DEPDC5: variants seen among roughly 807,000 people sequenced by gnomAD.
The protein encoded by DEPDC5 is GATOR1 complex protein DEPDC5.
In DEPDC5, 73 loss-of-function variants were observed where a neutral mutation model predicts 217.3. That is an observed-to-expected ratio of 0.34 (90% CI 0.28 to 0.41). DEPDC5 has a LOEUF of 0.41. Among genes scored for constraint, DEPDC5 ranks in the 10% least tolerant of loss-of-function variants. DEPDC5 has a pLI of 1.00. For synonymous variants in DEPDC5, 733 were observed against 756.7 expected, an observed-to-expected ratio of 0.97 and a Z score of 0.51; for missense variants, 1,675 against 2,070.1, an observed-to-expected ratio of 0.81 and a Z score of 3.70.
intron 40 of DEPDC5, among the ~76,000 whole-genome samples, chr22:31,900,386 A>G (rs1467112716): frequency 6.6e-6 from 1 of 151,782 alleles, no homozygotes; most frequent in African/African-American, 2.4e-5. Flanking sequence ...CAATTTTCCT[A>G]CCTCTAGAAT....
At chr22:31,770,613 C>T (rs1010030042) in intron 7 of DEPDC5, among the ~76,000 whole-genome samples, 19 of 146,724 alleles carry the variant, frequency 1.3e-4, no homozygotes, top group Admixed American at 6.2e-4. Flanking sequence ...AGGCTGGTCT[C>T]GAACTCCTGA....
At chr22:31,904,061 C>T (rs2093712819) in intron 41 of DEPDC5, among the ~76,000 whole-genome samples, 1 of 152,104 alleles carries the variant, frequency 6.6e-6, no homozygotes, top group African/African-American at 2.4e-5. Context: ...TCTTCCTCAG[C>T]CCCTAGGCTG....
At position 31,893,763 on chromosome 22, in the gene DEPDC5, C is replaced by T. The variant is rs1289929555; in HGVS notation, c.4203+12C>T. The T allele has an allele frequency of 3.2e-6, 5 of 1,587,122 alleles. No homozygotes were observed. Among genetic ancestry groups the T allele is most frequent in the East Asian group, 2.3e-5 (1 of 43,658 alleles). ...TACTCTTCGAGATGGTGAGAACCTT[C>T]ATGCATGTTGTCAGGCCTTTGGCTC... On this transcript the variant is annotated intron_variant, in intron 39 of 42. Transcript: ENST00000651528.
intron 33 of DEPDC5, among the ~76,000 whole-genome samples, chr22:31,866,147 T>C (rs2092682411): frequency 6.6e-6 from 1 of 152,042 alleles, no homozygotes; most frequent in African/African-American, 2.4e-5. Flanking sequence ...CTCAGAGGCA[T>C]CTCTAACAGG....
At chr22:31,881,238 G>A (rs968104588) in intron 38 of DEPDC5, among the ~76,000 whole-genome samples, 2 of 150,792 alleles carry the variant, frequency 1.3e-5, no homozygotes, top group Non-Finnish European at 2.9e-5. Flanking sequence ...GGAGGTGGAG[G>A]TTGCAGTGAG....
At chr22:31,799,453 A>G (rs1453424631) in intron 14 of DEPDC5, among the ~76,000 whole-genome samples, 3 of 148,862 alleles carry the variant, frequency 2.0e-5, no homozygotes, top group Non-Finnish European at 4.4e-5. Flanking sequence ...TCAACCCATC[A>G]TCTGCATTAG....
At chr22:31,870,464 G>A in intron 33 of DEPDC5, 126 bp from the exon 34 acceptor site, 14 of 1,071,160 alleles carry the variant, frequency 1.3e-5, no homozygotes, top group Non-Finnish European at 1.6e-5. Context: ...GAATGGGAAG[G>A]ATTGCATTAA....
At chr22:31,875,603 A>G (rs1310670275) in intron 36 of DEPDC5, 1 of 151,368 alleles carries the variant, frequency 6.6e-6, no homozygotes, top group Non-Finnish European at 1.5e-5. Context: ...AATTTGTGAA[A>G]GTAGAATAGT....
In DEPDC5 at chr22:31,789,945, T is replaced by G. The variant is rs147901640; in HGVS notation, c.625-2088T>G. The stretch of plus-strand genomic sequence containing the variant: ...GTCTCCAAGGATTAGTCTCTGAGGC[T>G]CCATTTCTTCAGCTGCAAAATGGAG... On this transcript the variant is annotated intron_variant, in intron 10 of 42. Transcript: ENST00000651528. Among the ~76,000 whole-genome samples, 17 of 152,246 alleles carry G rather than the reference T, an allele frequency of 1.1e-4. No individual in the cohort carries two copies. The East Asian group carries it at 3.3e-3, about 29-fold the overall frequency.
At chr22:31,777,520 A>G (rs1261043283) in intron 7 of DEPDC5, among the ~76,000 whole-genome samples, 1 of 151,632 alleles carries the variant, frequency 6.6e-6, no homozygotes, top group African/African-American at 2.4e-5. Context: ...GTGGCCTCCC[A>G]AAGTGCTGGG....
chr22:31,879,808 A>T (rs2093125737), intron 38 of DEPDC5, 56 bp downstream of exon 38: 1 of 1,502,008 alleles, frequency 6.7e-7, no homozygotes, highest in Non-Finnish European at 9.1e-7. Flanking sequence ...GCTGCGGGAA[A>T]GTAGTGGCCA....
At chr22:31,839,527 C>T (rs202175434) in intron 27 of DEPDC5, among the ~76,000 whole-genome samples, 1 of 150,064 alleles carries the variant, frequency 6.7e-6, no homozygotes, top group South Asian at 2.1e-4. Context: ...GACCCCCCCT[C>T]CCCTGATCAC....
intron 3 of DEPDC5, among the ~76,000 whole-genome samples, chr22:31,759,223 C>T (rs117517960): frequency 2.6e-5 from 4 of 151,998 alleles, no homozygotes; most frequent in Non-Finnish European, 4.4e-5. Flanking sequence ...TGAGGCACCG[C>T]ACCTGGCCTA....
At chr22:31,843,273 T>C in intron 28 of DEPDC5, 61 bp downstream of exon 28, 1 of 1,505,686 alleles carries the variant, frequency 6.6e-7, no homozygotes, top group Non-Finnish European at 9.2e-7. Flanking sequence ...ACATACTAAA[T>C]TGTGTGTATA....
chr22:31,821,487 T>A lies in DEPDC5; in HGVS notation c.1871-15T>A, dbSNP rs747816024. The stretch of plus-strand genomic sequence containing the variant: ...TCAGGTGGGAATGATGCTCAGTGGT[T>A]CTTTATCTGGGTAGGGCCATCCGGA... On this transcript the variant is annotated splice_polypyrimidine_tract_variant and intron_variant, in intron 22 of 42. Coordinates refer to ENST00000651528, the MANE Select transcript of DEPDC5 (RefSeq NM_001242896.3). 6.2e-7 allele frequency: 1 copy of A among 1,613,618 alleles called. No individual in the cohort carries two copies. Among genetic ancestry groups the A allele is most frequent in the Non-Finnish European group, 8.5e-7 (1 of 1,179,586 alleles).
chr22:31,838,029 T>C (rs769540207), intron 26 of DEPDC5, among the ~76,000 whole-genome samples: 4 of 152,176 alleles, frequency 2.6e-5, no homozygotes, highest in Admixed American at 1.3e-4. Flanking sequence ...GTAAGAACTG[T>C]TCGTTTCTCC....
intron 34 of DEPDC5, 38 bp downstream of exon 34, chr22:31,870,782 G>A (rs1222327592): frequency 5.4e-6 from 8 of 1,488,662 alleles, no homozygotes; most frequent in Non-Finnish European, 7.2e-6. Flanking sequence ...TTCCTGGGGA[G>A]TGGGGACAGT....
In DEPDC5 at chr22:31,897,862, G is replaced by A. The variant is rs141832811; in HGVS notation, c.4375+209G>A. Among the ~76,000 whole-genome samples, 179 of 152,196 alleles carry A rather than the reference G, an allele frequency of 1.2e-3. 2 individuals are homozygous for A. Among genetic ancestry groups the A allele is most frequent in the Middle Eastern group, 3.4e-3 (1 of 294 alleles). ...AAATCATTTCATGTCTCTGAGTCTCGAATTCCTTATTCCTAAAATGAGAGT... is the reference window on the plus strand; with the variant it reads ...AAATCATTTCATGTCTCTGAGTCTCAAATTCCTTATTCCTAAAATGAGAGT... On this transcript the variant is annotated intron_variant, in intron 40 of 42. Coordinates refer to ENST00000651528, the MANE Select transcript of DEPDC5 (RefSeq NM_001242896.3).
intron 41 of DEPDC5, 50 bp from the exon 42 acceptor site, chr22:31,905,934 C>A (rs763447860): frequency 6.6e-7 from 1 of 1,515,742 alleles, no homozygotes; most frequent in South Asian, 1.1e-5. Flanking sequence ...CTTCCCTTGC[C>A]CCTTTAACTA....
Sources: gnomAD v4.1 joint callset for allele counts (sites outside exome capture counted in the v4.1 genomes callset) on GRCh38, gnomAD v4.1.1 for gene constraint, MANE v1.5 for transcripts, NCBI Gene and HGNC (gene_info 2026-07-23, HGNC 2026-07-21) for gene names.